Variants in ATP8B1 observed in about 807,000 individuals in gnomAD.
ATP8B1 encodes ATPase phospholipid transporting 8B1, also known as phospholipid-transporting ATPase IC.
Under a neutral mutation model 149.9 loss-of-function variants are expected in ATP8B1, and 80 were observed. That is an observed-to-expected ratio of 0.53 (90% CI 0.45 to 0.64). The LOEUF is 0.64. Among genes scored for constraint, ATP8B1 ranks in the 30% least tolerant of loss-of-function variants. ATP8B1 has a pLI of 0.00. For synonymous variants in ATP8B1, 536 were observed against 562.8 expected, an observed-to-expected ratio of 0.95 and a Z score of 0.67; for missense variants, 1,247 against 1,552.6, an observed-to-expected ratio of 0.80 and a Z score of 3.31.
At chr18:57,654,235 G>A (rs1168490993) in intron 23 of ATP8B1, among the ~76,000 whole-genome samples, 160 bp from the exon 24 acceptor site, 2 of 152,010 alleles carry the variant, frequency 1.3e-5, no homozygotes. Context: ...TCGAACTCCT[G>A]GCCTTAAGCG....
In ATP8B1 at chr18:57,784,399, G is replaced by A. The variant is rs12960272; in HGVS notation, c.-26+18599C>T. On this transcript the variant is annotated intron_variant, in intron 1 of 27. Transcript: ENST00000648908. The surrounding 1 kb of genome is among the most constrained non-coding windows in gnomAD (Gnocchi z 4.4). ...TAAGAAGGCTACTGGAATGGTCCAG[G>A]AGAGGGAGGATGACAGCTTGAACCT... Among the ~76,000 whole-genome samples the A allele has an allele frequency of 0.093, 14,154 of 152,230 alleles. 777 individuals carry two copies. Among genetic ancestry groups the A allele is most frequent in the Middle Eastern group, 0.22 (66 of 294 alleles).
chr18:57,679,548 C>T (rs1183868860), intron 15 of ATP8B1, among the ~76,000 whole-genome samples: 1 of 152,162 alleles, frequency 6.6e-6, no homozygotes, highest in Non-Finnish European at 1.5e-5. Context: ...GAAAGATGCT[C>T]AAACCACAAA....
intron 1 of ATP8B1, among the ~76,000 whole-genome samples, chr18:57,735,881 G>A (rs1394722185): frequency 6.6e-6 from 1 of 152,064 alleles, no homozygotes; most frequent in African/African-American, 2.4e-5. Context: ...CATGTGCCAT[G>A]GTGGTTTGCT....
intron 2 of ATP8B1, among the ~76,000 whole-genome samples, chr18:57,730,494 A>T (rs781780548): frequency 3.3e-5 from 5 of 152,212 alleles, no homozygotes; most frequent in Admixed American, 6.5e-5. Flanking sequence ...TGGGGTCCAG[A>T]GAGAAAAGTC....
chr18:57,767,207 C>T (rs1313691762), intron 1 of ATP8B1, among the ~76,000 whole-genome samples: 1 of 152,228 alleles, frequency 6.6e-6, no homozygotes, highest in Admixed American at 6.5e-5. Flanking sequence ...TCATCAGCTC[C>T]GGGAGAAGGC....
intron 22 of ATP8B1, among the ~76,000 whole-genome samples, chr18:57,657,053 G>A (rs1176532189): frequency 1.3e-5 from 2 of 151,936 alleles, no homozygotes; most frequent in African/African-American, 4.8e-5. Flanking sequence ...ATGGGTATAC[G>A]TGTGCCATGG....
intron 1 of ATP8B1, among the ~76,000 whole-genome samples, chr18:57,744,725 C>G (rs1041188673): frequency 1.3e-5 from 2 of 152,216 alleles, no homozygotes; most frequent in Non-Finnish European, 2.9e-5. Context: ...TACCTGGAAG[C>G]AAACCCTTCA....
At chr18:57,666,829 C>T (rs979771645) in intron 20 of ATP8B1, among the ~76,000 whole-genome samples, 8 of 152,274 alleles carry the variant, frequency 5.3e-5, no homozygotes, top group African/African-American at 1.9e-4. Flanking sequence ...AGCCACTGCG[C>T]CTGGCCTGAG....
chr18:57,745,254 G>T (rs566346897), intron 1 of ATP8B1, among the ~76,000 whole-genome samples: 1 of 152,158 alleles, frequency 6.6e-6, no homozygotes, highest in East Asian at 1.9e-4. Flanking sequence ...ATACTTCAAT[G>T]AAAGGACTCT....
Position 57,731,777 on chromosome 18 carries a change from A to AT in ATP8B1, c.30dup (p.Phe11IlefsTer2). On this transcript the variant is annotated frameshift_variant, in exon 2 of 28. Transcript: ENST00000648908. LOFTEE classifies it high-confidence loss of function. ...TCATTAGGCTGAGAATCCTCGTCAA[A>AT]TGTCGTTTCTGAGTCTCTTTCTGTA... 6.2e-7 allele frequency: 1 copy of AT among 1,614,034 alleles called. No individual in the cohort carries two copies. Among genetic ancestry groups the AT allele is most frequent in the Non-Finnish European group, 8.5e-7 (1 of 1,179,994 alleles).
intron 14 of ATP8B1, 60 bp downstream of exon 14, chr18:57,685,011 GC>G: frequency 6.3e-7 from 1 of 1,584,432 alleles, no homozygotes; most frequent in Non-Finnish European, 8.7e-7. Context: ...AGGAAGCATG[GC>G]CCTGCTGGGA....
intron 6 of ATP8B1, 35 bp from the exon 7 acceptor site, chr18:57,697,902 T>G (rs1200085181): frequency 6.5e-7 from 1 of 1,539,644 alleles, no homozygotes. Context: ...TTATTGACAT[T>G]TTAAGTTACA....
chr18:57,716,233 CA>C (rs1476180779), intron 2 of ATP8B1, among the ~76,000 whole-genome samples: 2 of 151,838 alleles, frequency 1.3e-5, no homozygotes, highest in Non-Finnish European at 2.9e-5. Flanking sequence ...AATTAAAGCA[CA>C]CCACAAGAGA....
intron 1 of ATP8B1, among the ~76,000 whole-genome samples, chr18:57,775,307 C>G (rs1003142207): frequency 6.7e-6 from 1 of 150,070 alleles, no homozygotes; most frequent in Admixed American, 6.7e-5. Context: ...CAGATGGAGA[C>G]CCTGTCTCAA....
At chr18:57,790,047 C>A (rs1401828914) in intron 1 of ATP8B1, among the ~76,000 whole-genome samples, 1 of 152,214 alleles carries the variant, frequency 6.6e-6, no homozygotes, top group African/African-American at 2.4e-5. Flanking sequence ...TCTAAAACTA[C>A]TCCTTGGTCT....
chr18:57,670,341 TTC>T (rs1911148495), intron 17 of ATP8B1, among the ~76,000 whole-genome samples: 1 of 146,774 alleles, frequency 6.8e-6, no homozygotes, highest in South Asian at 2.2e-4. Flanking sequence ...TTCTTTTTTT[TTC>T]TTTTTCTTTT....
chr18:57,742,645 A>G (rs2079927347), intron 1 of ATP8B1, among the ~76,000 whole-genome samples: 1 of 152,064 alleles, frequency 6.6e-6, no homozygotes, highest in Non-Finnish European at 1.5e-5. Context: ...GAGTCTGGGC[A>G]ATATGGCAAG....
Position 57,669,386 on chromosome 18 carries a change from T to C in ATP8B1, c.2029A>G (p.Ser677Gly), listed in dbSNP as rs746682528. 4.0e-5 allele frequency: 64 copies of C among 1,613,938 alleles called. 1 individual carries two copies. The South Asian group carries it at 6.6e-4, about 17-fold the overall frequency. Residue 677 changes from serine (S) to glycine (G), a missense_variant, in exon 18 of 28, where the codon AGT (serine) becomes GGT (glycine). Around this residue, in one of 3 missense-constraint regions of ATP8B1, gnomAD observed 853 missense variants for 1,035.7 expected, o/e 0.82. Coordinates refer to ENST00000648908, the MANE Select transcript of ATP8B1 (RefSeq NM_001374385.1). ...TCGTCCCGGTTGGTGGAGGCCACAC[T>C]GGCAGCCATAAACTTTTTATTCCAT... ...TEWNKKFMAASVASTNRDEAL... is the reference protein window; with the variant it reads ...TEWNKKFMAAGVASTNRDEAL...
intron 12 of ATP8B1, among the ~76,000 whole-genome samples, chr18:57,690,626 C>T (rs1435635693): frequency 1.3e-5 from 2 of 152,244 alleles, no homozygotes; most frequent in East Asian, 3.9e-4. Context: ...GATGGCTGCC[C>T]CAGGGCTTTC....
Sources: allele counts gnomAD v4.1 joint callset (sites outside exome capture counted in the v4.1 genomes callset), GRCh38; gene constraint gnomAD v4.1.1; regional missense constraint gnomAD v4.1.1; non-coding constraint Gnocchi (gnomAD v3.1); transcripts MANE v1.5; gene names NCBI Gene and HGNC (gene_info 2026-07-23, HGNC 2026-07-21).